PTPRS: variants seen among roughly 807,000 people sequenced by gnomAD.
PTPRS encodes receptor-type tyrosine-protein phosphatase S.
In PTPRS, 63 loss-of-function variants were observed where a neutral mutation model predicts 215.3. The observed-to-expected ratio is 0.29, with a 90% CI of 0.24 to 0.36. The LOEUF (loss-of-function observed/expected upper bound fraction) is 0.36. Ranked by LOEUF, PTPRS falls within the 10% of genes least tolerant of loss-of-function variation. The pLI is 1.00. For synonymous variants in PTPRS, 1,404 were observed against 1,191.4 expected, an observed-to-expected ratio of 1.18 and a Z score of -3.68; for missense variants, 2,258 against 2,825.8, an observed-to-expected ratio of 0.80 and a Z score of 4.56.
At chr19:5,305,939 C>CAAAAAAAAAAAAAAAAAA (rs35165317) in intron 1 of PTPRS, among the ~76,000 whole-genome samples, 1 of 22,644 alleles carries the variant, frequency 4.4e-5, no homozygotes, top group Non-Finnish European at 6.9e-5. Context: ...GACTCCGTCT[C>CAAAAAAAAAAAAAAAAAA]AAAAAAAAAA....
At position 5,287,964 on chromosome 19, in the gene PTPRS, GCACACACA is replaced by G. The variant is rs3042434; in HGVS notation, c.-94-1738_-94-1731del. 0.1 allele frequency among the ~76,000 whole-genome samples: 13,810 copies of G among 133,136 alleles called. 1,142 individuals are homozygous for G. Among genetic ancestry groups the G allele is most frequent in the African/African-American group, 0.24 (8,430 of 35,582 alleles). The allele number at this position is 133,136 out of a possible 152,430, so 87.3% of individuals were successfully genotyped here. On this transcript the variant is annotated intron_variant, in intron 1 of 37. Transcript: ENST00000262963. This position sits in a 1 kb window ranked among gnomAD's most constrained non-coding sequence, Gnocchi z 4.8. ...TCACACAGTCAGGCAGCAGAGACGG[GCACACACA>G]CACACACACACACACACACACACAC...
At chr19:5,256,085 A>G (rs990779312) in intron 9 of PTPRS, 23 bp downstream of exon 9, 3 of 1,510,472 alleles carry the variant, frequency 2.0e-6, no homozygotes, top group African/African-American at 2.8e-5. Flanking sequence ...TAAAGAAAGT[A>G]AAAAAGAAAA....
At chr19:5,261,701 C>A (rs1252959256) in intron 6 of PTPRS, among the ~76,000 whole-genome samples, 2 of 152,194 alleles carry the variant, frequency 1.3e-5, no homozygotes, top group Non-Finnish European at 2.9e-5. Flanking sequence ...CCAACTGAGG[C>A]TCAGAGGGGA....
In PTPRS at chr19:5,229,599, G is replaced by A. The variant is rs1456680268; in HGVS notation, c.2241C>T (p.Gly747=). Residue 747 remains glycine (G), a synonymous_variant, in exon 15 of 38, where the codon GGC becomes GGT. Transcript: ENST00000262963. ...IRVLWRSPAP[G]RQHGQIRGYQ... ...AGCCGCGGATCTGGCCGTGCTGCCGGCCGGGCGCGGGCGAGCGCCACAGCA... is the reference window on the plus strand; with the variant it reads ...AGCCGCGGATCTGGCCGTGCTGCCGACCGGGCGCGGGCGAGCGCCACAGCA... 20 of 1,428,434 alleles carry A rather than the reference G, an allele frequency of 1.4e-5. No individual in the cohort carries two copies. The highest frequency in any genetic ancestry group is 1.7e-5 in the Non-Finnish European group (19 of 1,091,740). The allele number at this position is 1,428,434 out of a possible 1,614,324, so 88.5% of individuals were successfully genotyped here.
At chr19:5,336,226 C>A (rs1484902867) in intron 1 of PTPRS, among the ~76,000 whole-genome samples, 1 of 117,426 alleles carries the variant, frequency 8.5e-6, no homozygotes, top group South Asian at 2.8e-4. Context: ...TTTTTCTTCC[C>A]TTTTTGGTTG....
intron 17 of PTPRS, among the ~76,000 whole-genome samples, chr19:5,224,671 T>C (rs2042315574): frequency 6.6e-6 from 1 of 152,174 alleles, no homozygotes; most frequent in Non-Finnish European, 1.5e-5. Context: ...CAGTGGTTTC[T>C]GCTTAGCAAA....
chr19:5,268,148 C>T lies in PTPRS; in HGVS notation c.380-2952G>A, dbSNP rs987528953. Among the ~76,000 whole-genome samples the T allele has an allele frequency of 1.1e-3, 161 of 151,860 alleles. 1 individual carries two copies. Among genetic ancestry groups the T allele is most frequent in the African/African-American group, 3.7e-3 (152 of 41,410 alleles). ...TCGCGCCACTGCACTCCAGCCTGGG[C>T]GACAGAGCAAGACTCCATCTCAAAA... is the stretch of plus-strand genomic sequence containing the variant. On this transcript the variant is annotated intron_variant, in intron 4 of 37. Coordinates refer to ENST00000262963, the MANE Select transcript of PTPRS (RefSeq NM_002850.4).
intron 12 of PTPRS, 92 bp from the exon 13 acceptor site, chr19:5,239,155 G>C (rs978876555): frequency 5.5e-6 from 4 of 725,188 alleles, no homozygotes; most frequent in African/African-American, 5.2e-5. Flanking sequence ...AGAAACAGAG[G>C]GGGGAGGGGG....
chr19:5,210,701 G>C lies in PTPRS; in HGVS notation c.5339C>G (p.Thr1780Ser), dbSNP rs2040790020. Residue 1780 changes from threonine to serine, a missense_variant, in exon 34 of 38, where the codon ACC (threonine) becomes AGC (serine). Thr to Ser is a moderately conservative substitution (Grantham distance 58, BLOSUM62 1). Around this residue, in one of 6 missense-constraint regions of PTPRS, gnomAD observed 927 missense variants for 1,125.9 expected, o/e 0.82. Coordinates refer to ENST00000262963, the MANE Select transcript of PTPRS (RefSeq NM_002850.4). The surrounding 1 kb of genome is among the most constrained non-coding windows in gnomAD (Gnocchi z 4.5). ...ENNSTIVVMLTKLREMGREKC... is the reference protein window; with the variant it reads ...ENNSTIVVMLSKLREMGREKC... The stretch of plus-strand genomic sequence containing the variant: ...CACCCGGCCCATCTCCCGCAGCTTG[G>C]TCAGCATCACCACGATCGTCGAATT... The C allele has an allele frequency of 1.2e-6, 2 of 1,614,058 alleles. No homozygotes were observed. The highest frequency in any genetic ancestry group is 2.7e-5 in the African/African-American group (2 of 74,942).
intron 9 of PTPRS, among the ~76,000 whole-genome samples, chr19:5,253,843 T>C (rs1450942388): frequency 6.6e-6 from 1 of 152,184 alleles, no homozygotes; most frequent in East Asian, 1.9e-4. Context: ...TTTACAACAA[T>C]CCTACTGGGA....
chr19:5,293,391 A>C lies in PTPRS; in HGVS notation c.-94-7157T>G. ...GGGGCAGGGCGGGGCCCCGGCCGGAAGTGGGGCGGGGGGACCAGAGGGGAG... is the reference window on the plus strand; with the variant it reads ...GGGGCAGGGCGGGGCCCCGGCCGGACGTGGGGCGGGGGGACCAGAGGGGAG... On this transcript the variant is annotated intron_variant, in intron 1 of 37. Coordinates refer to ENST00000262963, the MANE Select transcript of PTPRS (RefSeq NM_002850.4). This position sits in a 1 kb window ranked among gnomAD's most constrained non-coding sequence, Gnocchi z 8.4. 7.1e-6 allele frequency: 1 copy of C among 141,026 alleles called. No individual in the cohort carries two copies. The highest frequency in any genetic ancestry group is 1.6e-5 in the Non-Finnish European group (1 of 64,396). The allele number at this position is 141,026 out of a possible 1,614,324, so 8.7% of individuals were successfully genotyped here. A position where few individuals can be genotyped will look rare whatever the true frequency, so the allele number is the denominator to read the frequency against.
chr19:5,233,484 CCTA>C (rs1459194085), intron 13 of PTPRS, among the ~76,000 whole-genome samples: 2 of 151,508 alleles, frequency 1.3e-5, no homozygotes, highest in Non-Finnish European at 2.9e-5. Flanking sequence ...CCATTAGGCA[CCTA>C]CTATGTGCCA....
At position 5,286,063 on chromosome 19, in the gene PTPRS, G is replaced by C; in HGVS notation, c.78C>G (p.Gly26=). Residue 26 remains glycine (G), a synonymous_variant, in exon 2 of 38, where the codon GGC becomes GGG. Coordinates refer to ENST00000262963, the MANE Select transcript of PTPRS (RefSeq NM_002850.4). ...CCGGCTTCTTACCTTCTGCTGCACA[G>C]CCTCCAACGAGCAGGACCACAAGGA... The part of the protein sequence containing the change: ...MGLLVVLLVG[G]CAAEEPPRFI... 6.2e-7 allele frequency: 1 copy of C among 1,613,704 alleles called. No homozygotes were observed. The highest frequency in any genetic ancestry group is 8.5e-7 in the Non-Finnish European group (1 of 1,179,666).
intron 20 of PTPRS, 62 bp from the exon 21 acceptor site, chr19:5,220,415 T>C (rs1051532045): frequency 1.2e-5 from 16 of 1,390,462 alleles, no homozygotes; most frequent in East Asian, 4.6e-5. Context: ...GGATGCTTCA[T>C]GGGGGCAAAC....
intron 7 of PTPRS, among the ~76,000 whole-genome samples, chr19:5,259,667 T>C (rs1267308768): frequency 2.6e-5 from 4 of 152,150 alleles, no homozygotes; most frequent in Non-Finnish European, 2.9e-5. Flanking sequence ...CTGTCGACCA[T>C]GAGTAAATGA....
intron 7 of PTPRS, among the ~76,000 whole-genome samples, chr19:5,258,652 C>T (rs1386643097): frequency 2.6e-5 from 4 of 152,170 alleles, no homozygotes; most frequent in Non-Finnish European, 5.9e-5. Context: ...GTTTGGAATC[C>T]TAGTCCTCAA....
At chr19:5,250,478 G>T (rs2044904083) in intron 9 of PTPRS, among the ~76,000 whole-genome samples, 1 of 152,128 alleles carries the variant, frequency 6.6e-6, no homozygotes, top group Non-Finnish European at 1.5e-5. Flanking sequence ...GGCCCCGCGG[G>T]ACCCCCGCCC....
rs1223650458 is a variant in PTPRS, at chr19:5,214,618, C to T, written c.4437G>A (p.Val1479=). The change falls in exon 29 of 38, where the codon GTG becomes GTA. Residue 1479 remains valine (V), a synonymous_variant. Transcript: ENST00000262963. ...PETFGDFWRM[V]WEQRSATIVM... ...CGATGGTCGCCGACCGCTGCTCCCA[C>T]ACCATACGCCAGAAGTCCCCAAAGG... 1 of 1,613,172 alleles carries T rather than the reference C, an allele frequency of 6.2e-7. No individual in the cohort carries two copies. Among genetic ancestry groups the T allele is most frequent in the African/African-American group, 1.3e-5 (1 of 74,954 alleles).
Position 5,211,477 on chromosome 19 carries a change from AG to A in PTPRS, c.5234+112del, listed in dbSNP as rs2040878922. 9 of 1,096,896 alleles carry A rather than the reference AG, an allele frequency of 8.2e-6. No individual in the cohort carries two copies. The South Asian group carries it at 1.5e-4, about 19-fold the overall frequency. The allele number at this position is 1,096,896 out of a possible 1,614,324, so 67.9% of individuals were successfully genotyped here. ...TACATCTAAAGATGTGTATTTAAAC[AG>A]CTCAGGGCTACCAGTATCTCCCCAG... On this transcript the variant is annotated intron_variant, in intron 33 of 37. Coordinates refer to ENST00000262963, the MANE Select transcript of PTPRS (RefSeq NM_002850.4).
Sources: gnomAD v4.1 joint callset for allele counts (sites outside exome capture counted in the v4.1 genomes callset) on GRCh38, gnomAD v4.1.1 for gene constraint, gnomAD v4.1.1 regional missense constraint, Gnocchi (gnomAD v3.1) non-coding constraint, MANE v1.5 for transcripts, NCBI Gene and HGNC (gene_info 2026-07-23, HGNC 2026-07-21) for gene names.